CAMKMT: variants seen among roughly 807,000 people sequenced by gnomAD.
The protein encoded by CAMKMT is calmodulin-lysine N-methyltransferase, also known as CaM KMT.
In CAMKMT, 53 loss-of-function variants were observed where a neutral mutation model predicts 48.0. That is an observed-to-expected ratio of 1.10 (90% CI 0.89 to 1.39). CAMKMT has a LOEUF of 1.39. Ranked by LOEUF, CAMKMT falls within the 40% of genes most tolerant of loss-of-function variation. The pLI is 0.00. For missense variants in CAMKMT, 428 were observed against 402.7 expected (o/e 1.06, Z -0.54); for synonymous variants, 165 against 152.3 (o/e 1.08, Z -0.61).
At chr2:44,566,117 T>G (rs370668498) in intron 3 of CAMKMT, among the ~76,000 whole-genome samples, 38 of 152,342 alleles carry the variant, frequency 2.5e-4, no homozygotes, top group East Asian at 1.2e-3. Context: ...CTCATAACTA[T>G]TAGAAGACTG....
intron 3 of CAMKMT, among the ~76,000 whole-genome samples, chr2:44,465,205 A>C (rs1668048112): frequency 6.6e-6 from 1 of 152,220 alleles, no homozygotes; most frequent in Admixed American, 6.5e-5. Context: ...AGATCATTAT[A>C]ACTATGTTTT....
chr2:44,456,240 G>T (rs1667557085), intron 3 of CAMKMT, among the ~76,000 whole-genome samples: 1 of 152,142 alleles, frequency 6.6e-6, no homozygotes, highest in African/African-American at 2.4e-5. Flanking sequence ...ATTTTCACTA[G>T]TGATGAAGGA....
At position 44,399,087 on chromosome 2, in the gene CAMKMT, A is replaced by G. The variant is rs138657873; in HGVS notation, c.376+8782A>G. 1.5e-4 allele frequency among the ~76,000 whole-genome samples: 23 copies of G among 152,324 alleles called. 1 individual carries two copies. In the East Asian group the frequency reaches 4.1e-3, roughly 27 times the overall value. On this transcript the variant is annotated intron_variant, in intron 3 of 10. Transcript: ENST00000378494. ...TTTTGTGTAATTATAGATACGTCAC[A>G]TGCTCACAATCTGCTTGTCCTGGTA...
rs1422903198 is a variant in CAMKMT, at chr2:44,766,530, A to T, written c.863A>T (p.Tyr288Phe). The T allele has an allele frequency of 6.2e-7, 1 of 1,614,032 alleles. No homozygotes were observed. The highest frequency in any genetic ancestry group is 1.3e-5 in the African/African-American group (1 of 74,948). ...AGFCIQRHEN[Y>F]DEHISNFHSK... is the part of the protein sequence containing the mutation. ...TTCTGTATCCAAAGACATGAAAATT[A>T]TGATGAACACATTTCAAACTTCCAC... The change falls in exon 10 of 11, where the codon TAT becomes TTT. Residue 288 changes from tyrosine to phenylalanine, a missense_variant. Coordinates refer to ENST00000378494, the MANE Select transcript of CAMKMT (RefSeq NM_024766.5).
chr2:44,704,800 C>G (rs1403002826), intron 4 of CAMKMT, among the ~76,000 whole-genome samples: 5 of 151,970 alleles, frequency 3.3e-5, no homozygotes, highest in African/African-American at 1.2e-4. Flanking sequence ...CATCCCACCC[C>G]TGGTTTTAAA....
At chr2:44,500,869 A>G (rs57016298) in intron 3 of CAMKMT, among the ~76,000 whole-genome samples, 10,202 of 151,736 alleles carry the variant, frequency 0.067, 787 homozygotes, top group East Asian at 0.35. Flanking sequence ...TTTAGTAGAG[A>G]TGGGGTTTCA....
intron 3 of CAMKMT, among the ~76,000 whole-genome samples, chr2:44,689,989 A>G (rs888986468): frequency 4.6e-5 from 7 of 152,228 alleles, no homozygotes; most frequent in South Asian, 4.1e-4. Flanking sequence ...AAGCATTCAC[A>G]TCTAGTTTAT....
rs530869112 is a variant in CAMKMT at position 44,509,951 on chromosome 2, T to C, written c.376+119646T>C. Among the ~76,000 whole-genome samples the C allele has an allele frequency of 5.9e-5, 9 of 152,328 alleles. No homozygotes were observed. The Middle Eastern group carries it at 0.01, about 173-fold the overall frequency. On this transcript the variant is annotated intron_variant, in intron 3 of 10. Transcript: ENST00000378494. ...TGAATCAGAATAAACCTTTTTTCTT[T>C]GTAAATTACCCAGGCTCAGGTATTC...
chr2:44,491,287 G>A (rs1669492160), intron 3 of CAMKMT, among the ~76,000 whole-genome samples: 1 of 152,058 alleles, frequency 6.6e-6, no homozygotes, highest in African/African-American at 2.4e-5. Flanking sequence ...GTCCATTCTA[G>A]GGCAATGAAG....
At chr2:44,756,107 TG>T (rs995237732) in intron 9 of CAMKMT, among the ~76,000 whole-genome samples, 1 of 152,216 alleles carries the variant, frequency 6.6e-6, no homozygotes, top group Non-Finnish European at 1.5e-5. Context: ...TCAACAGGTC[TG>T]GGGTAGTGGG....
intron 3 of CAMKMT, among the ~76,000 whole-genome samples, chr2:44,662,171 C>T (rs1365374848): frequency 6.6e-6 from 1 of 152,232 alleles, no homozygotes; most frequent in Non-Finnish European, 1.5e-5. Flanking sequence ...TGAGCCTTCT[C>T]ATCTCCAGCC....
At chr2:44,391,981 GTT>G (rs1681387085) in intron 3 of CAMKMT, 1 of 152,478 alleles carries the variant, frequency 6.6e-6, no homozygotes, top group African/African-American at 2.4e-5. Flanking sequence ...AACCTCAACT[GTT>G]TTCATCTCTT....
rs559689770 is a variant in CAMKMT at position 44,478,823 on chromosome 2, C to G, written c.376+88518C>G. Among the ~76,000 whole-genome samples, 6 of 152,006 alleles carry G rather than the reference C, an allele frequency of 3.9e-5. No homozygotes were observed. The East Asian group carries it at 5.8e-4, about 15-fold the overall frequency. ...TCACCCCATTCTCCTGCCTCAGCCTCCCGAGTAGCCGGGACTACAGGCGCC... is the reference window on the plus strand; with the variant it reads ...TCACCCCATTCTCCTGCCTCAGCCTGCCGAGTAGCCGGGACTACAGGCGCC... On this transcript the variant is annotated intron_variant, in intron 3 of 10. Transcript: ENST00000378494.
Position 44,618,010 on chromosome 2 carries a change from C to G in CAMKMT, c.377-86273C>G, listed in dbSNP as rs1473417203. On this transcript the variant is annotated intron_variant, in intron 3 of 10. Transcript: ENST00000378494. This position sits in a 1 kb window ranked among gnomAD's most constrained non-coding sequence, Gnocchi z 4.0. ...TTCAGACATCAAGAAAGCATCATAT[C>G]TGAGCTATTCTTTTCATCTCCTTCC... 6.6e-6 allele frequency among the ~76,000 whole-genome samples: 1 copy of G among 152,166 alleles called. No individual in the cohort carries two copies. Among genetic ancestry groups the G allele is most frequent in the African/African-American group, 2.4e-5 (1 of 41,444 alleles).
chr2:44,667,109 A>G (rs1675029456), intron 3 of CAMKMT, among the ~76,000 whole-genome samples: 1 of 152,220 alleles, frequency 6.6e-6, no homozygotes, highest in Non-Finnish European at 1.5e-5. Flanking sequence ...AAAACCCGAG[A>G]GACCTTTGTA....
intron 3 of CAMKMT, among the ~76,000 whole-genome samples, chr2:44,401,533 G>A (rs1021716046): frequency 1.3e-5 from 2 of 151,286 alleles, no homozygotes; most frequent in Non-Finnish European, 2.9e-5. Context: ...CTCCAGACTG[G>A]GTGACAGAGA....
At chr2:44,598,905 G>T (rs1670824813) in intron 3 of CAMKMT, among the ~76,000 whole-genome samples, 1 of 151,650 alleles carries the variant, frequency 6.6e-6, no homozygotes, top group South Asian at 2.1e-4. Flanking sequence ...AACTGGAATT[G>T]CATGATTAGA....
chr2:44,385,023 G>A (rs982909098), intron 2 of CAMKMT, among the ~76,000 whole-genome samples: 3 of 152,044 alleles, frequency 2.0e-5, no homozygotes, highest in African/African-American at 7.2e-5. Flanking sequence ...GAAGAATGAT[G>A]GTGGTATTTT....
chr2:44,712,017 A>G (rs1257041223), intron 6 of CAMKMT, among the ~76,000 whole-genome samples: 1 of 152,186 alleles, frequency 6.6e-6, no homozygotes, highest in East Asian at 1.9e-4. Flanking sequence ...TGCTCTGGAA[A>G]TAAAGGCCTC....
Sources: allele counts gnomAD v4.1 joint callset (sites outside exome capture counted in the v4.1 genomes callset), GRCh38; gene constraint gnomAD v4.1.1; non-coding constraint Gnocchi (gnomAD v3.1); transcripts MANE v1.5; gene names NCBI Gene and HGNC (gene_info 2026-07-23, HGNC 2026-07-21).